The following PLXDC2 variants were observed in gnomAD, a reference collection of about 807,000 sequenced individuals.
The protein encoded by PLXDC2 is plexin domain-containing protein 2.
Under a neutral mutation model 68.9 loss-of-function variants are expected in PLXDC2, and 40 were observed. That is an observed-to-expected ratio of 0.58 (90% confidence interval 0.45 to 0.76). PLXDC2 has a LOEUF of 0.76. Among genes scored for constraint, PLXDC2 ranks in the 30% least tolerant of loss-of-function variants. The pLI is 0.00. For synonymous variants in PLXDC2, 243 were observed against 234.2 expected, an observed-to-expected ratio of 1.04 and a Z score of -0.34; for missense variants, 644 against 661.9, an observed-to-expected ratio of 0.97 and a Z score of 0.30.
intron 1 of PLXDC2, among the ~76,000 whole-genome samples, chr10:19,991,344 T>C (rs895995336): frequency 1.6e-5 from 2 of 123,088 alleles, no homozygotes. Context: ...CTCATCATTT[T>C]CCCTTTTTTT....
At position 19,960,274 on chromosome 10, in the gene PLXDC2, G is replaced by C. The variant is rs528819471; in HGVS notation, c.113-41501G>C. Among the ~76,000 whole-genome samples the C allele has an allele frequency of 3.0e-4, 45 of 151,734 alleles. No individual in the cohort carries two copies. The South Asian group carries it at 9.2e-3, about 31-fold the overall frequency. On this transcript the variant is annotated intron_variant, in intron 1 of 13. Transcript: ENST00000377252. ...AGCTACTGGGGAGGCTAAGATGAGA[G>C]TATTGCTTGAGTCCTGGAGTTCCAG...
chr10:20,174,492 A>G (rs546845896), intron 7 of PLXDC2, among the ~76,000 whole-genome samples: 126 of 152,118 alleles, frequency 8.3e-4, no homozygotes, highest in African/African-American at 2.9e-3. Context: ...CGCCTGAGAT[A>G]TTTTCAGCCT....
intron 9 of PLXDC2, among the ~76,000 whole-genome samples, chr10:20,204,518 C>G (rs913334813): frequency 6.6e-6 from 1 of 152,020 alleles, no homozygotes; most frequent in Non-Finnish European, 1.5e-5. Flanking sequence ...GTTGATGTTT[C>G]CATTAAGATA....
At chr10:19,839,394 T>G (rs1396222776) in intron 1 of PLXDC2, among the ~76,000 whole-genome samples, 1 of 152,152 alleles carries the variant, frequency 6.6e-6, no homozygotes, top group African/African-American at 2.4e-5. Context: ...ATCAGCTATC[T>G]TCAGTGTTAG....
intron 5 of PLXDC2, among the ~76,000 whole-genome samples, chr10:20,145,853 A>C (rs916317340): frequency 6.6e-6 from 1 of 152,120 alleles, no homozygotes; most frequent in South Asian, 2.1e-4. Flanking sequence ...GCACCTGGTC[A>C]ACAGTGTGGT....
At chr10:20,070,494 C>T (rs1171458120) in intron 4 of PLXDC2, among the ~76,000 whole-genome samples, 2 of 152,120 alleles carry the variant, frequency 1.3e-5, no homozygotes, top group African/African-American at 2.4e-5. Context: ...TGAAATTGCT[C>T]ACAAGAAGTA....
chr10:20,111,309 T>A (rs910097301), intron 4 of PLXDC2, among the ~76,000 whole-genome samples: 1 of 152,206 alleles, frequency 6.6e-6, no homozygotes, highest in African/African-American at 2.4e-5. Flanking sequence ...CTCATGCCAT[T>A]TGTTAATGAT....
intron 6 of PLXDC2, among the ~76,000 whole-genome samples, chr10:20,157,844 A>T (rs1295601576): frequency 2.0e-5 from 3 of 152,208 alleles, no homozygotes; most frequent in African/African-American, 7.2e-5. Flanking sequence ...TATTTAAAAG[A>T]AGTATTCATG....
chr10:20,048,752 G>GC (rs924094295), intron 3 of PLXDC2, among the ~76,000 whole-genome samples: 3 of 152,036 alleles, frequency 2.0e-5, no homozygotes, highest in African/African-American at 2.4e-5. Flanking sequence ...CCTCTGTGCC[G>GC]CCCCCCAAGG....
At chr10:19,863,136 A>G (rs537352640) in intron 1 of PLXDC2, among the ~76,000 whole-genome samples, 1 of 152,132 alleles carries the variant, frequency 6.6e-6, no homozygotes, top group Non-Finnish European at 1.5e-5. Flanking sequence ...TTCATGTCAT[A>G]TTTCAATTTT....
At chr10:20,275,451 A>C (rs748395103) in intron 13 of PLXDC2, among the ~76,000 whole-genome samples, 3 of 152,174 alleles carry the variant, frequency 2.0e-5, no homozygotes, top group Non-Finnish European at 4.4e-5. Flanking sequence ...TCCAAAACAC[A>C]TGTTTTAGAA....
intron 6 of PLXDC2, among the ~76,000 whole-genome samples, chr10:20,163,468 CT>C (rs1427427630): frequency 6.6e-6 from 1 of 151,630 alleles, no homozygotes; most frequent in African/African-American, 2.4e-5. Context: ...ACTTATTCCC[CT>C]TCTTATTGTT....
intron 10 of PLXDC2, 69 bp from the exon 11 acceptor site, chr10:20,217,357 C>A: frequency 7.1e-7 from 1 of 1,414,934 alleles, no homozygotes; most frequent in Admixed American, 2.2e-5. Flanking sequence ...AGCCCAGCTT[C>A]TTTGATGTAA....
intron 6 of PLXDC2, among the ~76,000 whole-genome samples, chr10:20,162,115 GGAAGGAAGGAAGGAAA>G (rs1412361459): frequency 1.5e-4 from 21 of 141,380 alleles, no homozygotes; most frequent in African/African-American, 4.8e-4. Context: ...AAGGAAGGAA[GGAAGGAAGGAAGGAAA>G]GAAAGAAGGA....
At chr10:20,053,902 T>C (rs550515285) in intron 3 of PLXDC2, among the ~76,000 whole-genome samples, 5 of 152,230 alleles carry the variant, frequency 3.3e-5, no homozygotes, top group South Asian at 4.1e-4. Flanking sequence ...GAAATAGTTA[T>C]AAAAGAACAC....
chr10:19,927,864 A>G (rs1263793147), intron 1 of PLXDC2, among the ~76,000 whole-genome samples: 1 of 151,960 alleles, frequency 6.6e-6, no homozygotes, highest in Non-Finnish European at 1.5e-5. Flanking sequence ...GGTTTCACAG[A>G]TTAATCGTAC....
chr10:20,202,705 G>A (rs980467988), intron 9 of PLXDC2, among the ~76,000 whole-genome samples: 2 of 152,056 alleles, frequency 1.3e-5, no homozygotes, highest in African/African-American at 4.8e-5. Flanking sequence ...CTTTAGAGTC[G>A]AACACTGTAA....
At chr10:19,839,526 C>A (rs1836865348) in intron 1 of PLXDC2, among the ~76,000 whole-genome samples, 1 of 152,108 alleles carries the variant, frequency 6.6e-6, no homozygotes, top group South Asian at 2.1e-4. Context: ...GGTTTGATTC[C>A]AAGTTTCATG....
At chr10:20,053,489 T>C (rs980535256) in intron 3 of PLXDC2, among the ~76,000 whole-genome samples, 4 of 152,146 alleles carry the variant, frequency 2.6e-5, no homozygotes, top group Non-Finnish European at 5.9e-5. Context: ...GTTTTCAGTT[T>C]GCAAATCTAA....
Sources: gnomAD v4.1 joint callset for allele counts (sites outside exome capture counted in the v4.1 genomes callset) on GRCh38, gnomAD v4.1.1 for gene constraint, MANE v1.5 for transcripts, NCBI Gene and HGNC (gene_info 2026-07-23, HGNC 2026-07-21) for gene names.